The following PROX2 variants were observed in gnomAD, a reference collection of about 807,000 sequenced individuals.
The protein encoded by PROX2 is prospero homeobox 2.
PROX2 carries 46 observed loss-of-function variants against 48.9 expected under a neutral mutation model. That is an observed-to-expected ratio of 0.94 (90% CI 0.74 to 1.20). PROX2 has a LOEUF of 1.20. Ranked by LOEUF, PROX2 falls within the 50% of genes most tolerant of loss-of-function variation. The pLI, the probability that PROX2 is intolerant of heterozygous loss-of-function variation, is 0.00. For missense variants in PROX2, 663 were observed against 719.4 expected (o/e 0.92, Z 0.90); for synonymous variants, 260 against 276.6 (o/e 0.94, Z 0.60).
chr14:74,868,496 C>A (rs1322818770), intron 2 of PROX2, among the ~76,000 whole-genome samples: 2 of 151,380 alleles, frequency 1.3e-5, no homozygotes, highest in Admixed American at 6.6e-5. Flanking sequence ...ATTTACTTAA[C>A]AAGTTCTCCT....
In PROX2 at chr14:74,862,675, G is replaced by A. The variant is rs371997631; in HGVS notation, c.1160C>T (p.Pro387Leu). The change falls in exon 3 of 6, where the codon CCG becomes CTG. Residue 387 changes from proline to leucine, a missense_variant. By Grantham distance (98) the Pro-to-Leu change is moderately conservative (BLOSUM62 -3). Coordinates refer to ENST00000556489, the MANE Select transcript of PROX2 (RefSeq NM_001243007.2). ...CTGCTGGCTCAGGACCAATGGTTGC[G>A]GCTTAGTAGTTCTCCAAGGTCGTAG... ...PALRPWRTTK[P>L]QPLVLSQQQC... is the part of the protein sequence containing the mutation. The A allele has an allele frequency of 5.6e-5, 91 of 1,614,002 alleles. No individual in the cohort carries two copies. In the East Asian group the frequency reaches 1.1e-3, roughly 19 times the overall value.
Position 74,862,923 on chromosome 14 carries a change from T to A in PROX2, c.912A>T (p.Ser304=). The part of the protein sequence containing the change: ...LQAGVPVGNL[S]LAKRLDSPRY... ...TAGGAGAATCTAGACGCTTGGCCAG[T>A]GATAAATTTCCTACTGGGACCCCAG... Residue 304 remains serine, a synonymous_variant, in exon 3 of 6, where the codon TCA becomes TCT. Coordinates refer to ENST00000556489, the MANE Select transcript of PROX2 (RefSeq NM_001243007.2). The A allele has an allele frequency of 1.2e-6, 2 of 1,613,848 alleles. No individual in the cohort carries two copies. Among genetic ancestry groups the A allele is most frequent in the Non-Finnish European group, 8.5e-7 (1 of 1,179,840 alleles).
intron 2 of PROX2, among the ~76,000 whole-genome samples, chr14:74,870,246 G>A (rs903661607): frequency 7.0e-6 from 1 of 143,566 alleles, no homozygotes; most frequent in Admixed American, 6.9e-5. Flanking sequence ...AGGCAACATG[G>A]CGAAACCCTG....
chr14:74,863,043 C>CA lies in PROX2; in HGVS notation c.791dup (p.Ala265GlyfsTer4). On this transcript the variant is annotated frameshift_variant, in exon 3 of 6. Transcript: ENST00000556489. LOFTEE classifies it high-confidence loss of function. ...GTGAGGGCTCGCTTCTACCCTCTGC[C>CA]ACCTGCCCCTGGAAGCTTCTGCCCA... is the stretch of plus-strand genomic sequence containing the variant. 6.2e-7 allele frequency: 1 copy of CA among 1,613,900 alleles called. No homozygotes were observed. Among genetic ancestry groups the CA allele is most frequent in the Non-Finnish European group, 8.5e-7 (1 of 1,179,812 alleles).
At chr14:74,875,369 A>G (rs1451150218) in intron 1 of PROX2, among the ~76,000 whole-genome samples, 1 of 152,160 alleles carries the variant, frequency 6.6e-6, no homozygotes, top group Non-Finnish European at 1.5e-5. Context: ...CCAGGAGCCC[A>G]GAGAGGTAAG....
chr14:74,860,077 T>C (rs2091782687), intron 3 of PROX2, among the ~76,000 whole-genome samples: 1 of 152,216 alleles, frequency 6.6e-6, no homozygotes, highest in African/African-American at 2.4e-5. Flanking sequence ...ACGAGTTAGC[T>C]CCCTTCTCTG....
At chr14:74,856,377 G>T in intron 5 of PROX2, 1 of 158,596 alleles carries the variant, frequency 6.3e-6, no homozygotes, top group South Asian at 1.9e-4. Context: ...CATTTTCAAG[G>T]GAAAATACAG....
At position 74,868,251 on chromosome 14, in the gene PROX2, G is replaced by T. The variant is rs781690960; in HGVS notation, c.-175+2852C>A. On this transcript the variant is annotated intron_variant, in intron 2 of 5. Transcript: ENST00000556489. ...CCAGAGAAAATCAGTTAAAATTTTG[G>T]TGTTCATCATTTTTGCCAAGCTCTT... 7.7e-4 allele frequency among the ~76,000 whole-genome samples: 111 copies of T among 143,702 alleles called. 1 individual carries two copies. The highest frequency in any genetic ancestry group is 1.4e-3 in the Non-Finnish European group (93 of 66,384). 94.3% of individuals were successfully genotyped at this position (143,702 alleles called of 152,430 possible).
At chr14:74,865,580 C>T (rs372266490) in intron 2 of PROX2, among the ~76,000 whole-genome samples, 21 of 152,286 alleles carry the variant, frequency 1.4e-4, no homozygotes, top group African/African-American at 4.6e-4. Context: ...CGGTGGCTCA[C>T]GCCTGTAATC....
chr14:74,869,184 G>T (rs1018387539), intron 2 of PROX2, among the ~76,000 whole-genome samples: 1 of 152,258 alleles, frequency 6.6e-6, no homozygotes, highest in African/African-American at 2.4e-5. Context: ...CAAAGGCTGA[G>T]ACTACGTTAA....
chr14:74,857,175 G>C, intron 4 of PROX2, 180 bp from the exon 5 acceptor site: 1 of 535,888 alleles, frequency 1.9e-6, no homozygotes, highest in South Asian at 3.4e-5. Flanking sequence ...GTTATACTCA[G>C]AAAAATCTAA....
chr14:74,870,469 C>CACACACACACACACAT (rs1555371982), intron 2 of PROX2, among the ~76,000 whole-genome samples: 9 of 150,038 alleles, frequency 6.0e-5, no homozygotes, highest in African/African-American at 2.2e-4. Context: ...CACACACACA[C>CACACACACACACACAT]GCCCATACAT....
chr14:74,860,208 C>T (rs2091783658), intron 3 of PROX2, among the ~76,000 whole-genome samples: 1 of 152,168 alleles, frequency 6.6e-6, no homozygotes, highest in South Asian at 2.1e-4. Flanking sequence ...AATTTGTTAG[C>T]TTATAAAGAT....
rs714788 is a variant in PROX2, at chr14:74,853,340, G to A, written c.*1792C>T. 0.33 allele frequency: 50,099 copies of A among 152,044 alleles called. 10,044 individuals carry two copies. Among genetic ancestry groups the A allele is most frequent in the African/African-American group, 0.56 (23,276 of 41,444 alleles). 9.4% of individuals were successfully genotyped at this position (152,044 alleles called of 1,614,324 possible). Reference sequence around the variant, plus strand: ...GATAGAGGGTTCTTCTACTATGTCCGGACACAGAAAACTGATTGCCCTTGC... The same window carrying A: ...GATAGAGGGTTCTTCTACTATGTCCAGACACAGAAAACTGATTGCCCTTGC... On this transcript the variant is annotated 3_prime_UTR_variant, in exon 6 of 6. Coordinates refer to ENST00000556489, the MANE Select transcript of PROX2 (RefSeq NM_001243007.2).
chr14:74,855,624 A>C (rs10483863), intron 5 of PROX2: 2 of 214,186 alleles, frequency 9.3e-6, no homozygotes, highest in African/African-American at 2.3e-5. Context: ...CTGTGGCTCA[A>C]AGAGACTTCG....
chr14:74,854,212 T>C lies in PROX2; in HGVS notation c.*920A>G. 1 of 448,306 alleles carries C rather than the reference T, an allele frequency of 2.2e-6. No individual in the cohort carries two copies. The allele number at this position is 448,306 out of a possible 1,614,324, so 27.8% of individuals were successfully genotyped here. A position where few individuals can be genotyped will look rare whatever the true frequency, so the allele number is the denominator to read the frequency against. On this transcript the variant is annotated 3_prime_UTR_variant, in exon 6 of 6. Transcript: ENST00000556489. Reference sequence around the variant, plus strand: ...TGGGGCACCAATTGCAATGGTCAGCTGGAGACTATTTGCATTATCCAGCTG... The same window carrying C: ...TGGGGCACCAATTGCAATGGTCAGCCGGAGACTATTTGCATTATCCAGCTG...
At chr14:74,874,211 T>C (rs1883283841) in intron 1 of PROX2, 2 of 428,816 alleles carry the variant, frequency 4.7e-6, no homozygotes, top group South Asian at 3.5e-5. Flanking sequence ...AAGATAGATA[T>C]GATTTCAGAG....
chr14:74,859,668 C>T lies in PROX2; in HGVS notation c.1306-1154G>A, dbSNP rs557227797. Among the ~76,000 whole-genome samples, 4 of 152,326 alleles carry T rather than the reference C, an allele frequency of 2.6e-5. No individual in the cohort carries two copies. The South Asian group carries it at 8.3e-4, about 32-fold the overall frequency. On this transcript the variant is annotated intron_variant, in intron 3 of 5. Coordinates refer to ENST00000556489, the MANE Select transcript of PROX2 (RefSeq NM_001243007.2). ...GGGTGAGAAGCATTACACAGAGTAA[C>T]CTGGGATCTCAGATCCGAGAGCTGT...
intron 5 of PROX2, chr14:74,855,593 A>G: frequency 3.7e-6 from 1 of 270,898 alleles, no homozygotes; most frequent in Non-Finnish European, 6.8e-6. Context: ...AGCAGGTCAG[A>G]AAATCTTACT....
Sources: allele counts gnomAD v4.1 joint callset (sites outside exome capture counted in the v4.1 genomes callset), GRCh38; gene constraint gnomAD v4.1.1; transcripts MANE v1.5; gene names NCBI Gene and HGNC (gene_info 2026-07-23, HGNC 2026-07-21).